The following MAP3K4 variants were observed in gnomAD, a reference collection of about 807,000 sequenced individuals.
The protein encoded by MAP3K4 is MAP three kinase 1.
MAP3K4 carries 67 observed loss-of-function variants against 185.6 expected under a neutral mutation model. The ratio of observed to expected loss-of-function variants is 0.36; its 90% CI spans 0.30 to 0.44. The LOEUF is 0.44. Among genes scored for constraint, MAP3K4 ranks in the 20% least tolerant of loss-of-function variants. MAP3K4 has a pLI of 1.00. For synonymous variants in MAP3K4, 702 were observed against 710.4 expected (o/e 0.99, Z 0.19); for missense variants, 1,551 against 1,995.1 (o/e 0.78, Z 4.24).
chr6:160,991,788 C>T lies in MAP3K4; in HGVS notation c.-144C>T. The T allele has an allele frequency of 1.0e-6, 1 of 974,752 alleles. No homozygotes were observed. The highest frequency in any genetic ancestry group is 1.4e-6 in the Non-Finnish European group (1 of 723,414). The allele number at this position is 974,752 out of a possible 1,614,324, so 60.4% of individuals were successfully genotyped here. A position where few individuals can be genotyped will look rare whatever the true frequency, so the allele number is the denominator to read the frequency against. The stretch of plus-strand genomic sequence containing the variant: ...CCCGGCGCTCGGCCGGTCGCCGTTT[C>T]CAAGATGGCCGCGGCGCGCACGGCT... On this transcript the variant is annotated 5_prime_UTR_variant, in exon 1 of 27. Transcript: ENST00000392142. The surrounding 1 kb of genome is among the most constrained non-coding windows in gnomAD (Gnocchi z 5.7).
chr6:161,058,822 C>T (rs1427911411), intron 3 of MAP3K4, among the ~76,000 whole-genome samples: 2 of 151,992 alleles, frequency 1.3e-5, no homozygotes, highest in Non-Finnish European at 2.9e-5. Context: ...ATATTCCATT[C>T]TATGAATGTA....
At chr6:161,038,913 A>T (rs1387682131) in intron 2 of MAP3K4, among the ~76,000 whole-genome samples, 1 of 152,190 alleles carries the variant, frequency 6.6e-6, no homozygotes, top group Non-Finnish European at 1.5e-5. Context: ...CTGCTGGCAC[A>T]GTTTTCTTTC....
In MAP3K4 at chr6:161,070,571, G is replaced by T. The variant is rs199997170; in HGVS notation, c.1708-37G>T. Reference sequence around the variant, plus strand: ...ACAACCGTAGAACGTTGTCTCGTATGCTCTTTTAATCTGTGCCTGTTGAAT... The same window carrying T: ...ACAACCGTAGAACGTTGTCTCGTATTCTCTTTTAATCTGTGCCTGTTGAAT... On this transcript the variant is annotated intron_variant, in intron 3 of 26. Coordinates refer to ENST00000392142, the MANE Select transcript of MAP3K4 (RefSeq NM_005922.4). The surrounding 1 kb of genome is among the most constrained non-coding windows in gnomAD (Gnocchi z 4.5). 6.3e-6 allele frequency: 10 copies of T among 1,594,296 alleles called. No homozygotes were observed. Among genetic ancestry groups the T allele is most frequent in the South Asian group, 1.1e-5 (1 of 88,472 alleles).
chr6:160,995,455 G>A (rs1474231740), intron 1 of MAP3K4, among the ~76,000 whole-genome samples: 1 of 152,244 alleles, frequency 6.6e-6, no homozygotes, highest in Non-Finnish European at 1.5e-5. Flanking sequence ...TGCAGCAAGT[G>A]TGCCATCGTG....
At chr6:161,057,792 TG>T in intron 3 of MAP3K4, among the ~76,000 whole-genome samples, 2 of 152,374 alleles carry the variant, frequency 1.3e-5, no homozygotes, top group Admixed American at 1.3e-4. Context: ...ACAAGAACTT[TG>T]TAATTGAATG....
Position 161,109,816 on chromosome 6 carries a change from T to A in MAP3K4, c.4298T>A (p.Leu1433Gln). 1 of 1,614,174 alleles carries A rather than the reference T, an allele frequency of 6.2e-7. No individual in the cohort carries two copies. The highest frequency in any genetic ancestry group is 8.5e-7 in the Non-Finnish European group (1 of 1,180,030). Reference sequence around the variant, plus strand: ...GGGACTTTAGAAGAGGTGTCAAGGCTGGGACTTCAGGAACATGTGATTAGG... The same window carrying A: ...GGGACTTTAGAAGAGGTGTCAAGGCAGGGACTTCAGGAACATGTGATTAGG... Reference protein sequence around the residue: ...DEGTLEEVSRLGLQEHVIRLY... With the variant: ...DEGTLEEVSRQGLQEHVIRLY... Residue 1433 changes from leucine to glutamine, a missense_variant, in exon 23 of 27, where the codon CTG becomes CAG. By Grantham distance (113) the Leu-to-Gln change is moderately radical. Around this residue, in one of 16 missense-constraint regions of MAP3K4, gnomAD observed 159 missense variants for 300.5 expected, o/e 0.53. Coordinates refer to ENST00000392142, the MANE Select transcript of MAP3K4 (RefSeq NM_005922.4). This position sits in a 1 kb window ranked among gnomAD's most constrained non-coding sequence, Gnocchi z 5.7.
In MAP3K4 at chr6:161,109,920, C is replaced by T; in HGVS notation, c.4396+6C>T. 6.2e-7 allele frequency: 1 copy of T among 1,613,378 alleles called. No homozygotes were observed. Among genetic ancestry groups the T allele is most frequent in the Non-Finnish European group, 8.5e-7 (1 of 1,179,832 alleles). On this transcript the variant is annotated splice_donor_region_variant and intron_variant, in intron 23 of 26. Transcript: ENST00000392142. The surrounding 1 kb of genome is among the most constrained non-coding windows in gnomAD (Gnocchi z 5.7). ...AGTCCACCGTGACATTAAAGGTAATCCCACACCCGCCTGGCTGCTGTGGGC... is the reference window on the plus strand; with the variant it reads ...AGTCCACCGTGACATTAAAGGTAATTCCACACCCGCCTGGCTGCTGTGGGC...
chr6:161,066,001 C>A (rs1278766463), intron 3 of MAP3K4, among the ~76,000 whole-genome samples: 1 of 149,854 alleles, frequency 6.7e-6, no homozygotes, highest in African/African-American at 2.5e-5. Flanking sequence ...CCAAATCCAA[C>A]ATGTCAGTGC....
chr6:161,021,987 CTTCT>C (rs1323404387), intron 1 of MAP3K4, among the ~76,000 whole-genome samples: 2 of 152,078 alleles, frequency 1.3e-5, no homozygotes. Context: ...ACATTTATAT[CTTCT>C]TTGTCTCATC....
chr6:161,048,219 A>G lies in MAP3K4; in HGVS notation c.344-397A>G, dbSNP rs548075670. ...TACACATTTAGCTAATGACAAATGC[A>G]GGAATTAAATATATTTTCTCATCCA... On this transcript the variant is annotated intron_variant, in intron 2 of 26. Transcript: ENST00000392142. This position sits in a 1 kb window ranked among gnomAD's most constrained non-coding sequence, Gnocchi z 4.7. 1.9e-6 allele frequency: 1 copy of G among 532,626 alleles called. No individual in the cohort carries two copies. The highest frequency in any genetic ancestry group is 3.8e-6 in the Non-Finnish European group (1 of 260,886). 33.0% of individuals were successfully genotyped at this position (532,626 alleles called of 1,614,324 possible).
chr6:161,020,649 C>T (rs1362444203), intron 1 of MAP3K4, among the ~76,000 whole-genome samples: 1 of 141,674 alleles, frequency 7.1e-6, no homozygotes, highest in Non-Finnish European at 1.5e-5. Context: ...CAGAGTGAGA[C>T]TCTGTCTAAA....
chr6:161,033,274 CTG>C (rs1302663287), intron 1 of MAP3K4, among the ~76,000 whole-genome samples: 2 of 152,048 alleles, frequency 1.3e-5, no homozygotes, highest in African/African-American at 2.4e-5. Context: ...AAGAGGTAGA[CTG>C]TGATGGTACA....
In MAP3K4 at chr6:161,081,008, G is replaced by A; in HGVS notation, c.2225G>A (p.Gly742Glu). Residue 742 changes from glycine to glutamate, a missense_variant, in exon 6 of 27, where the codon GGA (glycine) becomes GAA (glutamate). This residue lies in a region of MAP3K4 where 130 missense variants were observed against 171.3 expected (regional missense o/e 0.76). Transcript: ENST00000392142. ...AAAGAAATAACTCATTACATACGGG[G>A]AGGAGAAGCACAGGCCGGGAAGCTT... ...FTKEITHYIR[G>E]GEAQAGKLFC... The A allele has an allele frequency of 1.9e-6, 3 of 1,614,116 alleles. No individual in the cohort carries two copies. The highest frequency in any genetic ancestry group is 1.7e-5 in the Admixed American group (1 of 60,024).
intron 1 of MAP3K4, among the ~76,000 whole-genome samples, chr6:161,015,543 T>A (rs1408887054): frequency 6.6e-6 from 1 of 152,170 alleles, no homozygotes; most frequent in Non-Finnish European, 1.5e-5. Flanking sequence ...AAAAGAGGTT[T>A]ACTTAGATCA....
Position 161,112,845 on chromosome 6 carries a change from GGATT to G in MAP3K4, c.4626+76_4626+79del, listed in dbSNP as rs1778413403. The G allele has an allele frequency of 1.1e-5, 11 of 986,956 alleles. No individual in the cohort carries two copies. Among genetic ancestry groups the G allele is most frequent in the Non-Finnish European group, 1.6e-5 (11 of 698,044 alleles). The allele number at this position is 986,956 out of a possible 1,614,324, so 61.1% of individuals were successfully genotyped here. On this transcript the variant is annotated intron_variant, in intron 25 of 26. Transcript: ENST00000392142. This position sits in a 1 kb window ranked among gnomAD's most constrained non-coding sequence, Gnocchi z 5.1. Reference sequence around the variant, plus strand: ...TGTGCATTAACAGAACAGTAGTTATGGATTGATTATTTATTACAAACACTGTGGA... The same window carrying G: ...TGTGCATTAACAGAACAGTAGTTATGGATTATTTATTACAAACACTGTGGA...
chr6:161,061,366 G>A lies in MAP3K4; in HGVS notation c.1708-9242G>A, dbSNP rs1279849818. Among the ~76,000 whole-genome samples, 2 of 152,156 alleles carry A rather than the reference G, an allele frequency of 1.3e-5. No homozygotes were observed. The highest frequency in any genetic ancestry group is 4.8e-5 in the African/African-American group (2 of 41,422). ...AGATAACTGCATTTTAAAGACTTTT[G>A]GAACATTTCTTCTCGTGGCTCTGCC... On this transcript the variant is annotated intron_variant, in intron 3 of 26. Coordinates refer to ENST00000392142, the MANE Select transcript of MAP3K4 (RefSeq NM_005922.4). This position sits in a 1 kb window ranked among gnomAD's most constrained non-coding sequence, Gnocchi z 4.2.
Position 161,048,501 on chromosome 6 carries a change from T to C in MAP3K4, c.344-115T>C. 4.5e-6 allele frequency: 3 copies of C among 663,360 alleles called. No individual in the cohort carries two copies. In the South Asian group the frequency reaches 6.8e-5, roughly 15 times the overall value. 41.1% of individuals were successfully genotyped at this position (663,360 alleles called of 1,614,324 possible). A position where few individuals can be genotyped will look rare whatever the true frequency, so the allele number is the denominator to read the frequency against. ...TAGGATATGGTATGCTTTTTTTTCT[T>C]CCATTAGCAGTCTGAAAATATAAAT... On this transcript the variant is annotated intron_variant, in intron 2 of 26. Transcript: ENST00000392142. This position sits in a 1 kb window ranked among gnomAD's most constrained non-coding sequence, Gnocchi z 4.7.
intron 1 of MAP3K4, among the ~76,000 whole-genome samples, chr6:161,012,400 A>G (rs935422356): frequency 2.0e-5 from 3 of 152,174 alleles, no homozygotes; most frequent in Non-Finnish European, 4.4e-5. Flanking sequence ...TATATAAATC[A>G]TAATATAAAG....
rs547498023 is a variant in MAP3K4, at chr6:161,078,199, T to C, written c.2098-2682T>C. The stretch of plus-strand genomic sequence containing the variant: ...CTAGACAGAAGGAAAGTGAGCTAAG[T>C]AGAGATAGAAATATGACTCCCAGAA... On this transcript the variant is annotated intron_variant, in intron 5 of 26. Transcript: ENST00000392142. 4.0e-4 allele frequency among the ~76,000 whole-genome samples: 61 copies of C among 152,176 alleles called. No homozygotes were observed. The South Asian group carries it at 4.2e-3, about 10-fold the overall frequency.
Sources: allele counts gnomAD v4.1 joint callset (sites outside exome capture counted in the v4.1 genomes callset), GRCh38; gene constraint gnomAD v4.1.1; regional missense constraint gnomAD v4.1.1; non-coding constraint Gnocchi (gnomAD v3.1); transcripts MANE v1.5; gene names NCBI Gene and HGNC (gene_info 2026-07-23, HGNC 2026-07-21).